The following MDGA2 variants were observed in gnomAD, a reference collection of about 807,000 sequenced individuals.
MDGA2 encodes MAM domain containing glycosylphosphatidylinositol anchor 2, also known as MAM domain-containing glycosylphosphatidylinositol anchor protein 2.
Under a neutral mutation model 117.8 loss-of-function variants are expected in MDGA2, and 40 were observed. That is an observed-to-expected ratio of 0.34 (90% CI 0.26 to 0.44). MDGA2 has a LOEUF of 0.44. Ranked by LOEUF, MDGA2 falls within the 20% of genes least tolerant of loss-of-function variation. The pLI is 1.00. For missense variants in MDGA2, 1,123 were observed against 1,250.6 expected (o/e 0.90, Z 1.54); for synonymous variants, 452 against 439.0 (o/e 1.03, Z -0.37).
chr14:46,936,644 A>G (rs563084369), intron 9 of MDGA2, among the ~76,000 whole-genome samples: 2 of 152,224 alleles, frequency 1.3e-5, no homozygotes, highest in South Asian at 4.1e-4. Flanking sequence ...GCTTCCAAAT[A>G]TCACATCAAC....
intron 2 of MDGA2, among the ~76,000 whole-genome samples, chr14:47,224,076 C>T (rs1235979208): frequency 1.3e-5 from 2 of 152,224 alleles, no homozygotes; most frequent in East Asian, 3.9e-4. Flanking sequence ...AGTGGGGACA[C>T]AGACAAACCA....
chr14:47,024,759 A>C (rs1888414047), intron 8 of MDGA2, among the ~76,000 whole-genome samples: 1 of 152,166 alleles, frequency 6.6e-6, no homozygotes, highest in Non-Finnish European at 1.5e-5. Context: ...AAAATGTCTT[A>C]ATGGTATATA....
At chr14:47,456,294 CTTTT>C (rs56176876) in intron 1 of MDGA2, among the ~76,000 whole-genome samples, 1 of 140,646 alleles carries the variant, frequency 7.1e-6, no homozygotes, top group Non-Finnish European at 1.5e-5. Context: ...AATTGTTTAC[CTTTT>C]TTTTTTTTTT....
intron 6 of MDGA2, among the ~76,000 whole-genome samples, chr14:47,074,283 G>T (rs1370067590): frequency 2.0e-5 from 3 of 150,358 alleles, no homozygotes; most frequent in Non-Finnish European, 3.0e-5. Context: ...CAATAGTTTT[G>T]ATTCTCACCA....
intron 6 of MDGA2, among the ~76,000 whole-genome samples, chr14:47,066,759 G>A (rs1268830088): frequency 6.6e-6 from 1 of 152,044 alleles, no homozygotes; most frequent in African/African-American, 2.4e-5. Context: ...TGACATCTAC[G>A]CACATTTACA....
intron 5 of MDGA2, among the ~76,000 whole-genome samples, chr14:47,122,504 A>G (rs1881703961): frequency 6.6e-6 from 1 of 152,096 alleles, no homozygotes; most frequent in African/African-American, 2.4e-5. Flanking sequence ...TGACATTTTG[A>G]CATAATCTAT....
At chr14:47,451,354 T>A (rs991249277) in intron 1 of MDGA2, among the ~76,000 whole-genome samples, 1 of 136,622 alleles carries the variant, frequency 7.3e-6, no homozygotes, top group Admixed American at 7.9e-5. Flanking sequence ...TGGAAAAGAA[T>A]GTTTTGATTT....
intron 1 of MDGA2, among the ~76,000 whole-genome samples, chr14:47,423,460 A>C (rs1369376791): frequency 6.6e-6 from 1 of 152,162 alleles, no homozygotes. Flanking sequence ...CATTTGACAA[A>C]AGAGGAAAGT....
chr14:47,275,263 C>T (rs972914172), intron 2 of MDGA2, among the ~76,000 whole-genome samples: 38 of 152,198 alleles, frequency 2.5e-4, no homozygotes, highest in African/African-American at 7.7e-4. Context: ...CTTTTGTTAG[C>T]TTAGAACAGG....
chr14:47,035,996 G>A (rs759961135), intron 7 of MDGA2, among the ~76,000 whole-genome samples: 6 of 151,470 alleles, frequency 4.0e-5, no homozygotes, highest in South Asian at 2.1e-4. Context: ...TTGGTCTTGC[G>A]CGGTGGCTCA....
chr14:47,320,955 T>G (rs561488986), intron 1 of MDGA2, among the ~76,000 whole-genome samples: 4 of 152,140 alleles, frequency 2.6e-5, no homozygotes, highest in Non-Finnish European at 5.9e-5. Context: ...TAAGAGATTA[T>G]GGGTAAAGAA....
At chr14:46,952,711 A>G (rs1227603840) in intron 9 of MDGA2, among the ~76,000 whole-genome samples, 1 of 152,006 alleles carries the variant, frequency 6.6e-6, no homozygotes, top group Non-Finnish European at 1.5e-5. Flanking sequence ...ACAAAAAGCT[A>G]GTATTTCAGA....
chr14:46,904,341 G>A (rs1052374951), intron 10 of MDGA2, among the ~76,000 whole-genome samples: 33 of 146,850 alleles, frequency 2.2e-4, no homozygotes, highest in Middle Eastern at 3.5e-3. Flanking sequence ...CTGTGAGAGA[G>A]AGGGAGACTC....
intron 1 of MDGA2, among the ~76,000 whole-genome samples, chr14:47,426,350 T>C (rs1594851145): frequency 6.6e-6 from 1 of 152,034 alleles, no homozygotes; most frequent in South Asian, 2.1e-4. Flanking sequence ...AATTTGGTCA[T>C]TGGGATCTCT....
chr14:46,966,931 G>A (rs954667422), intron 8 of MDGA2, among the ~76,000 whole-genome samples: 1 of 140,018 alleles, frequency 7.1e-6, no homozygotes, highest in Non-Finnish European at 1.6e-5. Context: ...GGGGATGAGA[G>A]AGTAAGTAGT....
intron 1 of MDGA2, among the ~76,000 whole-genome samples, chr14:47,587,919 C>G (rs1232289831): frequency 6.6e-6 from 1 of 151,854 alleles, no homozygotes; most frequent in African/African-American, 2.4e-5. Flanking sequence ...CTCTTATCTA[C>G]TGTCTTTTCC....
chr14:47,062,561 G>A (rs958054764), intron 6 of MDGA2, among the ~76,000 whole-genome samples: 2 of 147,212 alleles, frequency 1.4e-5, no homozygotes, highest in African/African-American at 5.1e-5. Flanking sequence ...ATCCCTACAT[G>A]ACAAAATGTG....
chr14:46,901,744 TAAC>T (rs1295994265), intron 10 of MDGA2, among the ~76,000 whole-genome samples: 5 of 152,212 alleles, frequency 3.3e-5, no homozygotes, highest in African/African-American at 1.2e-4. Flanking sequence ...TCCTTTCCTT[TAAC>T]AACTGAGGCT....
chr14:47,381,611 A>G (rs1037095416), intron 1 of MDGA2, among the ~76,000 whole-genome samples: 1 of 152,196 alleles, frequency 6.6e-6, no homozygotes, highest in African/African-American at 2.4e-5. Context: ...CCCATTCACA[A>G]TTGCTACAAA....
Sources: allele counts gnomAD v4.1 joint callset (sites outside exome capture counted in the v4.1 genomes callset), GRCh38; gene constraint gnomAD v4.1.1; transcripts MANE v1.5; gene names NCBI Gene and HGNC (gene_info 2026-07-23, HGNC 2026-07-21).